PRR5L: variants seen among roughly 807,000 people sequenced by gnomAD.
The protein encoded by PRR5L is proline rich 5 like.
PRR5L carries 21 observed loss-of-function variants against 36.4 expected under a neutral mutation model. That is an observed-to-expected ratio of 0.58 (90% confidence interval 0.41 to 0.83). PRR5L has a LOEUF of 0.83. Ranked by LOEUF, PRR5L falls within the 40% of genes least tolerant of loss-of-function variation. The pLI is 0.00. For synonymous variants in PRR5L, 188 were observed against 197.0 expected (o/e 0.95, Z 0.38); for missense variants, 381 against 473.3 (o/e 0.80, Z 1.81).
intron 1 of PRR5L, among the ~76,000 whole-genome samples, chr11:36,304,710 C>T (rs1856412491): frequency 1.3e-5 from 2 of 152,190 alleles, no homozygotes; most frequent in Non-Finnish European, 2.9e-5. Context: ...ACTTACTAAG[C>T]CATGATATAT....
intron 1 of PRR5L, among the ~76,000 whole-genome samples, chr11:36,305,128 G>A (rs1331152845): frequency 1.3e-5 from 2 of 152,164 alleles, no homozygotes; most frequent in African/African-American, 4.8e-5. Context: ...CAACCCAACT[G>A]TTCATCAACT....
At chr11:36,394,758 G>A (rs1857622827) in intron 1 of PRR5L, among the ~76,000 whole-genome samples, 1 of 152,068 alleles carries the variant, frequency 6.6e-6, no homozygotes, top group Non-Finnish European at 1.5e-5. Flanking sequence ...TGGATAATCT[G>A]GGACCAGCTT....
At chr11:36,458,114 G>A (rs1859103118) in intron 8 of PRR5L, among the ~76,000 whole-genome samples, 1 of 152,238 alleles carries the variant, frequency 6.6e-6, no homozygotes, top group African/African-American at 2.4e-5. Context: ...ATTCTTGGTT[G>A]CTCCTTGGCG....
chr11:36,334,029 G>A (rs1240663594), intron 1 of PRR5L, among the ~76,000 whole-genome samples: 2 of 152,132 alleles, frequency 1.3e-5, no homozygotes, highest in African/African-American at 4.8e-5. Flanking sequence ...AAGATGGGTA[G>A]CATCTGGTTT....
chr11:36,431,801 C>T (rs550716601), intron 4 of PRR5L, 52 bp from the exon 5 acceptor site: 1 of 1,556,154 alleles, frequency 6.4e-7, no homozygotes, highest in African/African-American at 1.4e-5. Flanking sequence ...GGGTTCATCA[C>T]TTACGCTCTG....
intron 1 of PRR5L, among the ~76,000 whole-genome samples, chr11:36,326,001 T>G (rs1393771291): frequency 1.3e-5 from 2 of 152,180 alleles, no homozygotes; most frequent in African/African-American, 4.8e-5. Context: ...TTTTTATTAT[T>G]TTTGGTGAGT....
rs542938625 is a variant in PRR5L, at chr11:36,464,621, T to A, written c.*1885T>A. On this transcript the variant is annotated 3_prime_UTR_variant, in exon 9 of 9. Coordinates refer to ENST00000530639, the MANE Select transcript of PRR5L (RefSeq NM_001160167.2). ...CATCAGTAGGTAGCAACATGATAAT[T>A]TATGTAACTGATAGCTTCTGTCCTT... 1.3e-5 allele frequency: 2 copies of A among 152,312 alleles called. No individual in the cohort carries two copies. Among genetic ancestry groups the A allele is most frequent in the East Asian group, 3.9e-4 (2 of 5,184 alleles). The allele number at this position is 152,312 out of a possible 1,614,324, so 9.4% of individuals were successfully genotyped here.
At chr11:36,415,863 TAA>T (rs1447004349) in intron 3 of PRR5L, among the ~76,000 whole-genome samples, 1 of 152,258 alleles carries the variant, frequency 6.6e-6, no homozygotes, top group African/African-American at 2.4e-5. Flanking sequence ...CTTCATATAG[TAA>T]TACAGACTTG....
intron 1 of PRR5L, among the ~76,000 whole-genome samples, chr11:36,301,928 A>C (rs1419220371): frequency 2.6e-5 from 4 of 152,226 alleles, no homozygotes; most frequent in African/African-American, 9.6e-5. Context: ...AATATTTAGG[A>C]GTGAAATATC....
chr11:36,411,535 C>T (rs1198417173), intron 3 of PRR5L, among the ~76,000 whole-genome samples: 1 of 152,118 alleles, frequency 6.6e-6, no homozygotes, highest in Non-Finnish European at 1.5e-5. Context: ...GGTCAGGCCC[C>T]GTGTAAGTGT....
In PRR5L at chr11:36,437,163, A is replaced by G. The variant is rs546071210; in HGVS notation, c.353-222A>G. Among the ~76,000 whole-genome samples the G allele has an allele frequency of 7.2e-5, 11 of 152,274 alleles. No homozygotes were observed. In the East Asian group the frequency reaches 1.7e-3, roughly 24 times the overall value. On this transcript the variant is annotated intron_variant, in intron 5 of 8. Transcript: ENST00000530639. ...GGATCAATACGTGCACCCTTGTGAG[A>G]TGGAATATATTTCTGCCCTGAGAAT... is the stretch of plus-strand genomic sequence containing the variant.
chr11:36,422,230 G>A (rs1314564503), intron 4 of PRR5L, among the ~76,000 whole-genome samples: 1 of 152,136 alleles, frequency 6.6e-6, no homozygotes, highest in African/African-American at 2.4e-5. Context: ...AAGGAGACAC[G>A]TCCCAGAGGG....
chr11:36,423,379 T>G (rs1858313503), intron 4 of PRR5L, among the ~76,000 whole-genome samples: 1 of 152,220 alleles, frequency 6.6e-6, no homozygotes, highest in African/African-American at 2.4e-5. Context: ...AGTGTAGCGT[T>G]AACTGAAGAC....
intron 1 of PRR5L, among the ~76,000 whole-genome samples, chr11:36,367,089 G>A (rs1857152051): frequency 2.6e-5 from 4 of 152,102 alleles, no homozygotes; most frequent in East Asian, 1.9e-4. Flanking sequence ...AGTGGGAAGG[G>A]TGTAAATGTC....
At chr11:36,307,851 G>T (rs113888221) in intron 1 of PRR5L, among the ~76,000 whole-genome samples, 3 of 152,160 alleles carry the variant, frequency 2.0e-5, no homozygotes, top group Non-Finnish European at 1.5e-5. Context: ...CCTTTGCTAC[G>T]TCCAGGGGAA....
At chr11:36,312,409 A>G (rs930479889) in intron 1 of PRR5L, among the ~76,000 whole-genome samples, 1 of 152,246 alleles carries the variant, frequency 6.6e-6, no homozygotes, top group African/African-American at 2.4e-5. Context: ...TGTTAAACAC[A>G]GCACTGCTGT....
intron 1 of PRR5L, among the ~76,000 whole-genome samples, chr11:36,302,628 A>G (rs560237182): frequency 6.6e-6 from 1 of 152,142 alleles, no homozygotes; most frequent in East Asian, 1.9e-4. Flanking sequence ...TCTACTAAAC[A>G]TACAAAAAAT....
chr11:36,399,357 A>G (rs1857739554), intron 1 of PRR5L, among the ~76,000 whole-genome samples: 1 of 152,168 alleles, frequency 6.6e-6, no homozygotes, highest in Non-Finnish European at 1.5e-5. Flanking sequence ...TTCGTATTAC[A>G]AGTTCCTTGT....
rs576725108 is a variant in PRR5L, at chr11:36,423,401, G to C, written c.294+4098G>C. ...CGTTAACTGAAGACCCGGATGGATG[G>C]CAAAGAGTTTAAATCAGGCCCAGAA... On this transcript the variant is annotated intron_variant, in intron 4 of 8. Transcript: ENST00000530639. Among the ~76,000 whole-genome samples, 482 of 152,340 alleles carry C rather than the reference G, an allele frequency of 3.2e-3. 2 individuals are homozygous for C. In the Middle Eastern group the frequency reaches 0.041, roughly 13 times the overall value.
Sources: allele counts gnomAD v4.1 joint callset (sites outside exome capture counted in the v4.1 genomes callset), GRCh38; gene constraint gnomAD v4.1.1; transcripts MANE v1.5; gene names NCBI Gene and HGNC (gene_info 2026-07-23, HGNC 2026-07-21).